The following THADA variants were observed in gnomAD, a reference collection of about 807,000 sequenced individuals.
THADA encodes tRNA (32-2'-O)-methyltransferase regulator THADA.
A neutral mutation model predicts 219.8 loss-of-function variants in THADA; 213 were observed. That is an observed-to-expected ratio of 0.97 (90% CI 0.87 to 1.09). The LOEUF is 1.09. Among genes scored for constraint, THADA ranks in the 50% least tolerant of loss-of-function variants. The pLI, the probability that THADA is intolerant of heterozygous loss-of-function variation, is 0.00. For synonymous variants in THADA, 1,018 were observed against 828.9 expected, an observed-to-expected ratio of 1.23 and a Z score of -3.92; for missense variants, 2,956 against 2,311.3, an observed-to-expected ratio of 1.28 and a Z score of -5.72.
intron 29 of THADA, among the ~76,000 whole-genome samples, chr2:43,357,337 C>A (rs1443004948): frequency 6.6e-6 from 1 of 152,006 alleles, no homozygotes; most frequent in Non-Finnish European, 1.5e-5. Context: ...TCAGTCATCA[C>A]TGGTGGAAGT....
chr2:43,584,818 G>C (rs1225632199), intron 7 of THADA, among the ~76,000 whole-genome samples: 1 of 152,120 alleles, frequency 6.6e-6, no homozygotes, highest in East Asian at 1.9e-4. Flanking sequence ...ATTGAAGACA[G>C]GAAGACTGAA....
At chr2:43,554,011 G>C (rs772115892) in intron 17 of THADA, among the ~76,000 whole-genome samples, 5 of 152,068 alleles carry the variant, frequency 3.3e-5, no homozygotes, top group Non-Finnish European at 7.4e-5. Flanking sequence ...ATATATACTA[G>C]ACAAAAGTCC....
At chr2:43,402,410 C>A (rs1674966112) in intron 28 of THADA, among the ~76,000 whole-genome samples, 1 of 152,098 alleles carries the variant, frequency 6.6e-6, no homozygotes, top group African/African-American at 2.4e-5. Context: ...ACTTGAGGAA[C>A]CAAGAAGAGT....
intron 26 of THADA, among the ~76,000 whole-genome samples, chr2:43,442,344 G>A (rs1297271175): frequency 6.6e-6 from 1 of 152,132 alleles, no homozygotes; most frequent in Admixed American, 6.5e-5. Flanking sequence ...GCTGAGGCAA[G>A]AGAATCGCTT....
At chr2:43,483,452 A>C (rs1352262516) in intron 26 of THADA, among the ~76,000 whole-genome samples, 2 of 152,216 alleles carry the variant, frequency 1.3e-5, no homozygotes, top group Non-Finnish European at 2.9e-5. Flanking sequence ...TCATGGGTTA[A>C]ACAGGGAACA....
At chr2:43,362,607 G>A (rs1669660761) in intron 29 of THADA, among the ~76,000 whole-genome samples, 1 of 152,158 alleles carries the variant, frequency 6.6e-6, no homozygotes, top group Admixed American at 6.5e-5. Flanking sequence ...TGAGTGGTGA[G>A]TGAATGTGAA....
intron 26 of THADA, among the ~76,000 whole-genome samples, chr2:43,473,303 A>G (rs191259984): frequency 1.3e-5 from 2 of 152,270 alleles, no homozygotes; most frequent in Admixed American, 1.3e-4. Flanking sequence ...TGTTTGTTAA[A>G]AAGAAAACAT....
intron 29 of THADA, among the ~76,000 whole-genome samples, chr2:43,376,737 C>T (rs1003222906): frequency 6.6e-6 from 1 of 152,176 alleles, no homozygotes; most frequent in Admixed American, 6.5e-5. Flanking sequence ...CATCACTACT[C>T]TGAGGCAAAC....
chr2:43,352,672 G>T (rs1364272701), intron 29 of THADA, among the ~76,000 whole-genome samples: 1 of 151,694 alleles, frequency 6.6e-6, no homozygotes, highest in East Asian at 1.9e-4. Context: ...ATGAGGAGAG[G>T]GAGAGGGGGA....
At chr2:43,313,647 C>A (rs1444756558) in intron 31 of THADA, among the ~76,000 whole-genome samples, 2 of 152,202 alleles carry the variant, frequency 1.3e-5, no homozygotes, top group Admixed American at 6.5e-5. Flanking sequence ...TTATTCCACA[C>A]ACCCTCAGGA....
chr2:43,494,854 G>A (rs905238071), intron 25 of THADA, among the ~76,000 whole-genome samples: 1 of 152,138 alleles, frequency 6.6e-6, no homozygotes, highest in Admixed American at 6.5e-5. Flanking sequence ...GATCTGTATG[G>A]TTTCAATACG....
At chr2:43,418,220 C>A (rs1193483601) in intron 28 of THADA, among the ~76,000 whole-genome samples, 1 of 152,188 alleles carries the variant, frequency 6.6e-6, no homozygotes. Context: ...TGTCTACTCT[C>A]TCTGGGCCTT....
At chr2:43,327,245 T>C (rs374031086) in intron 30 of THADA, among the ~76,000 whole-genome samples, 1 of 152,126 alleles carries the variant, frequency 6.6e-6, no homozygotes, top group Non-Finnish European at 1.5e-5. Flanking sequence ...AGTTCTCTTA[T>C]CTTAGCTCCT....
At chr2:43,371,624 T>C (rs1670816038) in intron 29 of THADA, among the ~76,000 whole-genome samples, 1 of 152,070 alleles carries the variant, frequency 6.6e-6, no homozygotes. Flanking sequence ...AGGGGAGAGA[T>C]CACTGACTTG....
At chr2:43,520,154 T>C (rs560109103) in intron 22 of THADA, among the ~76,000 whole-genome samples, 3 of 152,236 alleles carry the variant, frequency 2.0e-5, no homozygotes, top group Non-Finnish European at 2.9e-5. Flanking sequence ...GCCAACTCTA[T>C]GTAGTCACCA....
chr2:43,548,597 T>A (rs547655030), intron 20 of THADA, among the ~76,000 whole-genome samples: 1 of 152,326 alleles, frequency 6.6e-6, no homozygotes, highest in Non-Finnish European at 1.5e-5. Context: ...CCAGCCTCGA[T>A]GCTGCCTTGC....
chr2:43,348,559 T>A (rs531677329), intron 29 of THADA, among the ~76,000 whole-genome samples: 90 of 152,162 alleles, frequency 5.9e-4, no homozygotes, highest in African/African-American at 2.1e-3. Context: ...TTTTGTGACA[T>A]CTCCACCCCA....
At chr2:43,584,952 T>A (rs575619109) in intron 7 of THADA, among the ~76,000 whole-genome samples, 1 of 152,308 alleles carries the variant, frequency 6.6e-6, no homozygotes, top group South Asian at 2.1e-4. Flanking sequence ...GGTAAATACA[T>A]GCACAGTGCA....
At chr2:43,519,490 T>C (rs1692139671) in intron 22 of THADA, among the ~76,000 whole-genome samples, 1 of 152,200 alleles carries the variant, frequency 6.6e-6, no homozygotes, top group Non-Finnish European at 1.5e-5. Flanking sequence ...ACATAAGTAG[T>C]TCCTGATGAG....
Sources: gnomAD v4.1 joint callset for allele counts (sites outside exome capture counted in the v4.1 genomes callset) on GRCh38, gnomAD v4.1.1 for gene constraint, MANE v1.5 for transcripts, NCBI Gene and HGNC (gene_info 2026-07-23, HGNC 2026-07-21) for gene names.